The following NDUFAF2 variants were observed in gnomAD, a reference collection of about 807,000 sequenced individuals.
The protein encoded by NDUFAF2 is NADH:ubiquinone oxidoreductase complex assembly factor 2.
A neutral mutation model predicts 22.8 loss-of-function variants in NDUFAF2; 13 were observed. The observed-to-expected ratio is 0.57, with a 90% CI of 0.37 to 0.91. The LOEUF is 0.91. Ranked by LOEUF, NDUFAF2 falls within the 40% of genes least tolerant of loss-of-function variation. The pLI is 0.01. For missense variants in NDUFAF2, 162 were observed against 195.2 expected, an observed-to-expected ratio of 0.83 and a Z score of 1.01; for synonymous variants, 53 against 64.2, an observed-to-expected ratio of 0.83 and a Z score of 0.84.
At chr5:60,998,440 TG>T (rs979740170) in intron 1 of NDUFAF2, among the ~76,000 whole-genome samples, 4 of 152,162 alleles carry the variant, frequency 2.6e-5, no homozygotes, top group African/African-American at 7.2e-5. Context: ...CCTTTTATAA[TG>T]TATTTTAAAA....
chr5:61,068,878 G>C (rs1752261419), intron 1 of NDUFAF2, among the ~76,000 whole-genome samples: 1 of 152,128 alleles, frequency 6.6e-6, no homozygotes, highest in Non-Finnish European at 1.5e-5. Context: ...ACATATCTTA[G>C]TGGTTAAGTG....
chr5:61,105,652 C>T (rs996491663), intron 3 of NDUFAF2, among the ~76,000 whole-genome samples: 3 of 142,238 alleles, frequency 2.1e-5, no homozygotes, highest in Non-Finnish European at 4.5e-5. Flanking sequence ...AAAGCAGCTA[C>T]AGAAGATGTC....
chr5:61,006,223 A>G (rs1404987557), intron 1 of NDUFAF2, among the ~76,000 whole-genome samples: 18 of 151,930 alleles, frequency 1.2e-4, no homozygotes, highest in Admixed American at 2.0e-4. Context: ...TCTTGTTTTT[A>G]TCAGGTTTGT....
chr5:61,132,338 C>G (rs1753122505), intron 3 of NDUFAF2, among the ~76,000 whole-genome samples: 1 of 152,142 alleles, frequency 6.6e-6, no homozygotes, highest in South Asian at 2.1e-4. Context: ...TTGGTGGGTT[C>G]CTTCTTTACC....
At chr5:61,045,676 T>G (rs1169922659) in intron 1 of NDUFAF2, among the ~76,000 whole-genome samples, 3 of 127,772 alleles carry the variant, frequency 2.3e-5, no homozygotes, top group African/African-American at 6.2e-5. Context: ...AGTGTATTTT[T>G]GTATCCCACA....
chr5:61,080,324 A>C (rs1451904577), intron 2 of NDUFAF2, among the ~76,000 whole-genome samples: 1 of 152,192 alleles, frequency 6.6e-6, no homozygotes, highest in East Asian at 1.9e-4. Context: ...GGTAGGTTTT[A>C]TTTTAAGTAT....
intron 1 of NDUFAF2, among the ~76,000 whole-genome samples, chr5:60,995,708 A>G (rs577728910): frequency 3.0e-4 from 46 of 152,322 alleles, no homozygotes; most frequent in African/African-American, 1.1e-3. Context: ...TATGTACTCA[A>G]GGCCCTGGGG....
intron 1 of NDUFAF2, among the ~76,000 whole-genome samples, chr5:61,047,898 C>G (rs985855671): frequency 9.2e-5 from 14 of 152,048 alleles, no homozygotes; most frequent in Non-Finnish European, 2.1e-4. Context: ...AAAGGAAAGC[C>G]TTTCTAGCCA....
intron 1 of NDUFAF2, among the ~76,000 whole-genome samples, chr5:61,038,584 G>A (rs28436304): frequency 0.43 from 65,839 of 151,898 alleles, 14,905 homozygotes; most frequent in East Asian, 0.81. Context: ...TAATCTAAAA[G>A]CATTGCTAAT....
At chr5:61,112,794 TG>T (rs1752861090) in intron 3 of NDUFAF2, among the ~76,000 whole-genome samples, 1 of 152,174 alleles carries the variant, frequency 6.6e-6, no homozygotes, top group African/African-American at 2.4e-5. Flanking sequence ...TGTTGTTTCA[TG>T]GTTGTTTTGT....
chr5:61,039,811 A>G (rs1023139696), intron 1 of NDUFAF2, among the ~76,000 whole-genome samples: 4 of 152,192 alleles, frequency 2.6e-5, no homozygotes, highest in African/African-American at 9.6e-5. Context: ...CTGATGAGGT[A>G]TGCTGGACAA....
chr5:61,131,782 ATATT>A (rs1554018741), intron 3 of NDUFAF2, among the ~76,000 whole-genome samples: 1 of 152,182 alleles, frequency 6.6e-6, no homozygotes, highest in Non-Finnish European at 1.5e-5. Context: ...GGGATACACT[ATATT>A]TATATTATAA....
chr5:61,004,013 C>CT (rs75625671), intron 1 of NDUFAF2, among the ~76,000 whole-genome samples: 60,258 of 151,214 alleles, frequency 0.4, 12,909 homozygotes, highest in East Asian at 0.81. Flanking sequence ...TGTATCCTTT[C>CT]TTTTTTTTCT....
chr5:61,075,536 T>C (rs1752358226), intron 2 of NDUFAF2, among the ~76,000 whole-genome samples: 1 of 152,148 alleles, frequency 6.6e-6, no homozygotes. Flanking sequence ...TTTCCAATAA[T>C]AGTATAGAAT....
At chr5:61,148,260 C>A (rs1052101055) in intron 3 of NDUFAF2, among the ~76,000 whole-genome samples, 1 of 152,146 alleles carries the variant, frequency 6.6e-6, no homozygotes. Context: ...TAGGGTTTAT[C>A]TAATTTGTTA....
intron 3 of NDUFAF2, among the ~76,000 whole-genome samples, chr5:61,121,831 TTTTTTTTTTC>T (rs1223719307): frequency 3.5e-5 from 5 of 143,708 alleles, no homozygotes; most frequent in Admixed American, 7.1e-5. Flanking sequence ...TTTTCTTTTC[TTTTTTTTTTC>T]TTTTTTTTTT....
At chr5:60,969,436 T>TTCTGA (rs1750799483) in intron 1 of NDUFAF2, among the ~76,000 whole-genome samples, 1 of 152,174 alleles carries the variant, frequency 6.6e-6, no homozygotes, top group African/African-American at 2.4e-5. Flanking sequence ...CTCATTATAG[T>TTCTGA]TTTGATTTGC....
chr5:60,953,988 A>G (rs1750581498), intron 1 of NDUFAF2, among the ~76,000 whole-genome samples: 1 of 152,186 alleles, frequency 6.6e-6, no homozygotes, highest in Non-Finnish European at 1.5e-5. Context: ...GAACACATAG[A>G]CACAGATGTA....
intron 3 of NDUFAF2, among the ~76,000 whole-genome samples, chr5:61,105,157 T>C (rs2111775371): frequency 6.8e-6 from 1 of 147,304 alleles, no homozygotes; most frequent in South Asian, 2.1e-4. Flanking sequence ...CCTGCAGCTA[T>C]TTTTTTGTTT....
Sources: gnomAD v4.1 joint callset for allele counts (sites outside exome capture counted in the v4.1 genomes callset) on GRCh38, gnomAD v4.1.1 for gene constraint, MANE v1.5 for transcripts, NCBI Gene and HGNC (gene_info 2026-07-23, HGNC 2026-07-21) for gene names.